The following PTPRD variants were observed in gnomAD, a reference collection of about 807,000 sequenced individuals.
PTPRD encodes the protein protein tyrosine phosphatase receptor type D.
In PTPRD, 34 loss-of-function variants were observed where a neutral mutation model predicts 214.5. That is an observed-to-expected ratio of 0.16 (90% CI 0.12 to 0.21). The LOEUF (loss-of-function observed/expected upper bound fraction) is 0.21, where lower values mean the gene tolerates loss of function less well. PTPRD is among the 10% of genes least tolerant of loss of function. The pLI, the probability that PTPRD is intolerant of heterozygous loss-of-function variation, is 1.00. For synonymous variants in PTPRD, 1,128 were observed against 845.7 expected (o/e 1.33, Z -5.79); for missense variants, 2,545 against 2,398.7 (o/e 1.06, Z -1.27).
intron 11 of PTPRD, among the ~76,000 whole-genome samples, chr9:8,766,611 T>C (rs981160121): frequency 3.3e-5 from 5 of 152,230 alleles, no homozygotes; most frequent in Non-Finnish European, 7.3e-5. Flanking sequence ...AATTGATTGC[T>C]TTTGAATTGC....
chr9:9,574,852 G>T (rs974912465), intron 7 of PTPRD, 71 bp from the exon 8 acceptor site: 8 of 152,002 alleles, frequency 5.3e-5, no homozygotes, highest in Admixed American at 2.0e-4. Flanking sequence ...ACCTTAAGAG[G>T]TTAGTAATTC....
intron 8 of PTPRD, among the ~76,000 whole-genome samples, chr9:9,513,586 AC>A (rs1472584062): frequency 1.9e-5 from 2 of 103,844 alleles, no homozygotes; most frequent in Admixed American, 1.1e-4. Flanking sequence ...AAGATATATA[AC>A]AAAAAAAAAA....
rs151288229 is a variant in PTPRD, at chr9:9,871,567, G to A, written c.-368+66940C>T. Among the ~76,000 whole-genome samples the A allele has an allele frequency of 3.8e-3, 570 of 151,370 alleles. 1 individual carries two copies. The highest frequency in any genetic ancestry group is 0.013 in the African/African-American group (546 of 41,250). On this transcript the variant is annotated intron_variant, in intron 5 of 45. Coordinates refer to ENST00000381196, the MANE Select transcript of PTPRD (RefSeq NM_002839.4). ...AGAGTGTAAGCAACCTAACCTCCTT[G>A]GGCCCTAAGATTATCTTCTGGAAAG...
At position 8,632,178 on chromosome 9, in the gene PTPRD, C is replaced by A. The variant is rs190246639; in HGVS notation, c.352+1139G>T. Among the ~76,000 whole-genome samples the A allele has an allele frequency of 1.2e-3, 183 of 149,530 alleles. 2 individuals are homozygous for A. The highest frequency in any genetic ancestry group is 4.4e-3 in the African/African-American group (178 of 40,602). On this transcript the variant is annotated intron_variant, in intron 14 of 45. Coordinates refer to ENST00000381196, the MANE Select transcript of PTPRD (RefSeq NM_002839.4). ...GTGTGTGTGTGTTTAGTTTCAAAAC[C>A]ACCAGGTAAATTTGACCTACATTAC...
intron 9 of PTPRD, among the ~76,000 whole-genome samples, chr9:9,243,499 T>G (rs1449897384): frequency 1.3e-5 from 2 of 152,078 alleles, no homozygotes; most frequent in African/African-American, 4.8e-5. Flanking sequence ...TGCAAATCAA[T>G]AAACGTAATC....
At chr9:9,517,512 C>T (rs946143008) in intron 8 of PTPRD, among the ~76,000 whole-genome samples, 3 of 151,956 alleles carry the variant, frequency 2.0e-5, no homozygotes, top group African/African-American at 7.2e-5. Context: ...CTTTCTTATC[C>T]TCTGCACTAA....
intron 10 of PTPRD, among the ~76,000 whole-genome samples, chr9:9,024,565 T>A (rs558983452): frequency 1.3e-5 from 2 of 151,902 alleles, no homozygotes; most frequent in South Asian, 4.1e-4. Context: ...AGTTCCAACT[T>A]CTCCACACTG....
intron 9 of PTPRD, among the ~76,000 whole-genome samples, chr9:9,220,065 G>C (rs906882302): frequency 3.3e-5 from 5 of 152,046 alleles, no homozygotes; most frequent in Non-Finnish European, 7.4e-5. Flanking sequence ...TTTACTTAGA[G>C]AAGTTTACTT....
intron 2 of PTPRD, among the ~76,000 whole-genome samples, chr9:10,439,920 C>T (rs2098747702): frequency 6.6e-6 from 1 of 151,538 alleles, no homozygotes; most frequent in South Asian, 2.1e-4. Flanking sequence ...TGAAATTTTT[C>T]AAGTGCTCAT....
chr9:8,580,607 G>A lies in PTPRD; in HGVS notation c.353-51828C>T, dbSNP rs1181272296. 3.9e-5 allele frequency among the ~76,000 whole-genome samples: 6 copies of A among 152,284 alleles called. No individual in the cohort carries two copies. In the South Asian group the frequency reaches 8.3e-4, roughly 21 times the overall value. On this transcript the variant is annotated intron_variant, in intron 14 of 45. Coordinates refer to ENST00000381196, the MANE Select transcript of PTPRD (RefSeq NM_002839.4). ...GTTAATTAAAAAGACTTAAACTTGA[G>A]GTGTTGTATTCCTTATGACACCATT... is the stretch of plus-strand genomic sequence containing the variant.
intron 14 of PTPRD, among the ~76,000 whole-genome samples, chr9:8,628,026 T>C (rs546552803): frequency 2.0e-5 from 3 of 152,020 alleles, no homozygotes; most frequent in Admixed American, 6.6e-5. Flanking sequence ...AGTACCATAA[T>C]TGTCAGCACG....
chr9:8,363,876 T>G (rs1405402016), intron 39 of PTPRD, among the ~76,000 whole-genome samples: 1 of 152,250 alleles, frequency 6.6e-6, no homozygotes. Context: ...ATATGCAAGC[T>G]TTTATTTCAA....
At chr9:9,161,455 G>A (rs957441029) in intron 10 of PTPRD, among the ~76,000 whole-genome samples, 6 of 152,124 alleles carry the variant, frequency 3.9e-5, no homozygotes, top group Non-Finnish European at 7.4e-5. Context: ...ACAAGATGCT[G>A]AGAAGAGAAA....
At chr9:10,576,250 A>T (rs1451757774) in intron 2 of PTPRD, among the ~76,000 whole-genome samples, 1 of 152,110 alleles carries the variant, frequency 6.6e-6, no homozygotes, top group Non-Finnish European at 1.5e-5. Context: ...ATCTTATAAG[A>T]ATTTTCAGTA....
chr9:8,385,287 G>C (rs977408977), intron 37 of PTPRD, among the ~76,000 whole-genome samples: 1 of 152,178 alleles, frequency 6.6e-6, no homozygotes, highest in Admixed American at 6.5e-5. Context: ...AACACTTTGG[G>C]GGGCCAAGGT....
At chr9:9,696,730 G>C (rs1180600998) in intron 7 of PTPRD, among the ~76,000 whole-genome samples, 1 of 152,078 alleles carries the variant, frequency 6.6e-6, no homozygotes, top group Non-Finnish European at 1.5e-5. Flanking sequence ...GCAGCATATA[G>C]TTGTGCCTTG....
intron 2 of PTPRD, among the ~76,000 whole-genome samples, chr9:10,597,983 G>A (rs560156234): frequency 2.0e-5 from 3 of 151,814 alleles, no homozygotes; most frequent in African/African-American, 4.8e-5. Flanking sequence ...CATTCTTGAT[G>A]GATGGGTGTG....
chr9:8,808,032 T>C (rs772014201), intron 11 of PTPRD, among the ~76,000 whole-genome samples: 7 of 152,242 alleles, frequency 4.6e-5, no homozygotes, highest in Non-Finnish European at 8.8e-5. Context: ...ATGAAAATGC[T>C]ATGCATTTTG....
chr9:10,065,504 AT>A, intron 3 of PTPRD, among the ~76,000 whole-genome samples: 1 of 151,842 alleles, frequency 6.6e-6, no homozygotes, highest in East Asian at 1.9e-4. Context: ...CCACTAGACC[AT>A]TTGATTTTTG....
Sources: allele counts gnomAD v4.1 joint callset (sites outside exome capture counted in the v4.1 genomes callset), GRCh38; gene constraint gnomAD v4.1.1; transcripts MANE v1.5; gene names NCBI Gene and HGNC (gene_info 2026-07-23, HGNC 2026-07-21).